The following RNF150 variants were observed in gnomAD, a reference collection of about 807,000 sequenced individuals.
The protein encoded by RNF150 is ring finger protein 150.
RNF150 carries 24 observed loss-of-function variants against 39.3 expected under a neutral mutation model. That is an observed-to-expected ratio of 0.61 (90% CI 0.44 to 0.86). The LOEUF is 0.86. Among genes scored for constraint, RNF150 ranks in the 40% least tolerant of loss-of-function variants. RNF150 has a pLI of 0.00. For synonymous variants in RNF150, 255 were observed against 227.3 expected, an observed-to-expected ratio of 1.12 and a Z score of -1.10; for missense variants, 502 against 587.8, an observed-to-expected ratio of 0.85 and a Z score of 1.51.
intron 4 of RNF150, among the ~76,000 whole-genome samples, chr4:140,926,373 A>G (rs1410414880): frequency 2.0e-5 from 3 of 152,266 alleles, no homozygotes; most frequent in Non-Finnish European, 4.4e-5. Flanking sequence ...AGAAGCTCCA[A>G]TGAAAATAAT....
At chr4:140,897,030 G>T (rs1344858860) in intron 6 of RNF150, among the ~76,000 whole-genome samples, 1 of 152,078 alleles carries the variant, frequency 6.6e-6, no homozygotes, top group East Asian at 1.9e-4. Flanking sequence ...TTTGGACCAG[G>T]GCTGTAAGGA....
intron 1 of RNF150, among the ~76,000 whole-genome samples, chr4:141,206,604 C>A (rs1318534618): frequency 2.0e-5 from 3 of 151,908 alleles, no homozygotes; most frequent in East Asian, 3.9e-4. Flanking sequence ...AATGCCCCCC[C>A]AGTTGTGTGA....
chr4:141,161,744 CAAA>C (rs1457554759), intron 1 of RNF150, among the ~76,000 whole-genome samples: 2 of 152,182 alleles, frequency 1.3e-5, no homozygotes, highest in Non-Finnish European at 2.9e-5. Context: ...AGCTGTGGCT[CAAA>C]GGGGCCCAGG....
At chr4:140,885,550 C>T (rs1438440857) in intron 6 of RNF150, among the ~76,000 whole-genome samples, 3 of 150,802 alleles carry the variant, frequency 2.0e-5, no homozygotes, top group Non-Finnish European at 4.4e-5. Flanking sequence ...GATTTTCCTG[C>T]CTCAGTCTCT....
chr4:141,162,262 T>C (rs188601938), intron 1 of RNF150, among the ~76,000 whole-genome samples: 1 of 152,318 alleles, frequency 6.6e-6, no homozygotes, highest in Admixed American at 6.5e-5. Context: ...ATTTTGGATC[T>C]TTAAGATTTA....
intron 1 of RNF150, among the ~76,000 whole-genome samples, chr4:141,195,282 T>TA (rs1194620508): frequency 6.6e-6 from 1 of 152,168 alleles, no homozygotes; most frequent in Non-Finnish European, 1.5e-5. Flanking sequence ...TAGGATTATG[T>TA]AAAAAGCCCC....
At chr4:141,051,267 C>T (rs1736767748) in intron 1 of RNF150, among the ~76,000 whole-genome samples, 1 of 152,150 alleles carries the variant, frequency 6.6e-6, no homozygotes, top group African/African-American at 2.4e-5. Flanking sequence ...TGAGGGGCTG[C>T]CATGAAGACC....
chr4:141,080,354 C>G (rs552204777), intron 1 of RNF150, among the ~76,000 whole-genome samples: 2 of 152,300 alleles, frequency 1.3e-5, no homozygotes, highest in Non-Finnish European at 2.9e-5. Flanking sequence ...AACAAAACCT[C>G]TGGTTCATCA....
At chr4:141,061,877 G>A (rs931297262) in intron 1 of RNF150, among the ~76,000 whole-genome samples, 1 of 152,066 alleles carries the variant, frequency 6.6e-6, no homozygotes, top group African/African-American at 2.4e-5. Flanking sequence ...TACCTCAACT[G>A]ACATAAATAA....
chr4:140,885,987 G>A (rs62344995), intron 6 of RNF150, among the ~76,000 whole-genome samples: 20,558 of 151,814 alleles, frequency 0.14, 1,690 homozygotes, highest in East Asian at 0.38. Flanking sequence ...TCAGGAGATC[G>A]AGACCATCCT....
intron 1 of RNF150, chr4:141,053,671 G>A: frequency 1.4e-6 from 2 of 1,387,714 alleles, no homozygotes; most frequent in Non-Finnish European, 1.9e-6. Context: ...CATACCTGAG[G>A]AAAGGGAATA....
At chr4:140,925,659 T>C (rs528796804) in intron 5 of RNF150, among the ~76,000 whole-genome samples, 1 of 152,248 alleles carries the variant, frequency 6.6e-6, no homozygotes, top group South Asian at 2.1e-4. Flanking sequence ...AGTGTGCAAC[T>C]GGCCCGGGGT....
At chr4:141,011,521 A>C (rs1428761964) in intron 1 of RNF150, among the ~76,000 whole-genome samples, 1 of 152,266 alleles carries the variant, frequency 6.6e-6, no homozygotes, top group Non-Finnish European at 1.5e-5. Flanking sequence ...GCTCCTGTCC[A>C]GACAACATGT....
intron 6 of RNF150, among the ~76,000 whole-genome samples, chr4:140,885,232 GCT>G (rs964588805): frequency 3.9e-5 from 5 of 129,440 alleles, no homozygotes; most frequent in Non-Finnish European, 3.2e-5. Flanking sequence ...ACAGAGGCTT[GCT>G]CTGTCGCCCA....
chr4:141,067,452 A>G (rs1001538429), intron 1 of RNF150, among the ~76,000 whole-genome samples: 1 of 152,164 alleles, frequency 6.6e-6, no homozygotes, highest in African/African-American at 2.4e-5. Flanking sequence ...GACTCATCAA[A>G]TGAAAGTCTG....
intron 1 of RNF150, among the ~76,000 whole-genome samples, chr4:141,169,412 A>G (rs1727662858): frequency 6.6e-6 from 1 of 152,182 alleles, no homozygotes; most frequent in Non-Finnish European, 1.5e-5. Context: ...TAAATTGCCC[A>G]GTCTCAGGTA....
intron 1 of RNF150, among the ~76,000 whole-genome samples, chr4:140,975,227 C>A (rs569199040): frequency 1.3e-5 from 2 of 152,220 alleles, no homozygotes; most frequent in South Asian, 4.2e-4. Context: ...CCACTGTGCT[C>A]CAGGCTGAGT....
rs1215304676 is a variant in RNF150 at position 140,866,205 on chromosome 4, C to G, written c.*2056G>C. The G allele has an allele frequency of 6.6e-6, 1 of 152,226 alleles. No homozygotes were observed. The highest frequency in any genetic ancestry group is 1.5e-5 in the Non-Finnish European group (1 of 68,042). 9.4% of individuals were successfully genotyped at this position (152,226 alleles called of 1,614,324 possible). On this transcript the variant is annotated 3_prime_UTR_variant, in exon 7 of 7. Transcript: ENST00000515673. ...AAGGCTGTTATTACATGATACATGTCAAGTAACTCTACCTCCCCAAGCTAC... is the reference window on the plus strand; with the variant it reads ...AAGGCTGTTATTACATGATACATGTGAAGTAACTCTACCTCCCCAAGCTAC...
At chr4:141,150,153 T>C (rs912818669) in intron 1 of RNF150, among the ~76,000 whole-genome samples, 13 of 152,232 alleles carry the variant, frequency 8.5e-5, no homozygotes, top group African/African-American at 3.1e-4. Flanking sequence ...GAAAATATAC[T>C]ATTTTGTGCA....
Sources: allele counts gnomAD v4.1 joint callset (sites outside exome capture counted in the v4.1 genomes callset), GRCh38; gene constraint gnomAD v4.1.1; transcripts MANE v1.5; gene names NCBI Gene and HGNC (gene_info 2026-07-23, HGNC 2026-07-21).